MBD5: variants seen among roughly 807,000 people sequenced by gnomAD.
MBD5 encodes methyl-CpG binding domain protein 5.
MBD5 carries 13 observed loss-of-function variants against 117.3 expected under a neutral mutation model. The ratio of observed to expected loss-of-function variants is 0.11; its 90% confidence interval spans 0.07 to 0.18. MBD5 has a LOEUF of 0.18. MBD5 is among the 10% of genes least tolerant of loss of function. MBD5 has a pLI of 1.00. For missense variants in MBD5, 1,879 were observed against 2,093.8 expected (o/e 0.90, Z 2.00); for synonymous variants, 727 against 766.4 (o/e 0.95, Z 0.85).
chr2:148,169,453 T>G (rs1698204680), intron 1 of MBD5, among the ~76,000 whole-genome samples: 1 of 152,140 alleles, frequency 6.6e-6, no homozygotes, highest in African/African-American at 2.4e-5. Context: ...ATTATACTTC[T>G]TCCTCTCAGA....
At chr2:148,510,268 A>G (rs1377407492) in intron 13 of MBD5, 133 bp downstream of exon 13, 23 of 668,100 alleles carry the variant, frequency 3.4e-5, no homozygotes, top group Non-Finnish European at 5.6e-5. Flanking sequence ...GAAAAAAAAG[A>G]CAAATATTAG....
chr2:148,132,377 A>G (rs1387876149), intron 1 of MBD5, among the ~76,000 whole-genome samples: 1 of 147,904 alleles, frequency 6.8e-6, no homozygotes, highest in African/African-American at 2.4e-5. Flanking sequence ...TAGATGATTC[A>G]TAAATTATCC....
intron 1 of MBD5, among the ~76,000 whole-genome samples, chr2:148,060,878 G>A (rs567301437): frequency 6.6e-6 from 1 of 152,072 alleles, no homozygotes; most frequent in South Asian, 2.1e-4. Flanking sequence ...CTGTTCATTG[G>A]CTAACCAAAG....
In MBD5 at chr2:148,448,300, T is replaced by G. The variant is rs1706628011; in HGVS notation, c.-556-9903T>G. ...TCCTCCTCTTGTTTCTTGAAAGACC[T>G]TACCCGATACTTTATTAGACTGTAG... On this transcript the variant is annotated intron_variant, in intron 4 of 13. Coordinates refer to ENST00000642680, the MANE Select transcript of MBD5 (RefSeq NM_001378120.1). Among the ~76,000 whole-genome samples the G allele has an allele frequency of 2.6e-5, 4 of 152,226 alleles. No homozygotes were observed. In the South Asian group the frequency reaches 8.3e-4, roughly 32 times the overall value.
chr2:148,085,083 C>T (rs1573996425), intron 1 of MBD5, among the ~76,000 whole-genome samples: 1 of 152,170 alleles, frequency 6.6e-6, no homozygotes, highest in Non-Finnish European at 1.5e-5. Context: ...TTGTGTTGGT[C>T]TGTGTAAACA....
chr2:148,293,738 A>G (rs921854886), intron 3 of MBD5, among the ~76,000 whole-genome samples: 4 of 152,176 alleles, frequency 2.6e-5, no homozygotes, highest in African/African-American at 9.7e-5. Context: ...ACCATTAAGT[A>G]TGATATGAAC....
chr2:148,445,304 A>G (rs1244764668), intron 4 of MBD5, among the ~76,000 whole-genome samples: 2 of 149,414 alleles, frequency 1.3e-5, no homozygotes, highest in African/African-American at 5.1e-5. Context: ...ACCCCATGAC[A>G]GGCCCCAGTG....
chr2:148,050,573 T>C (rs1694668859), intron 1 of MBD5, among the ~76,000 whole-genome samples: 1 of 152,166 alleles, frequency 6.6e-6, no homozygotes, highest in African/African-American at 2.4e-5. Context: ...AATAATTTTT[T>C]TCTTTTGTTA....
chr2:148,490,908 C>T, intron 11 of MBD5: 1 of 364,422 alleles, frequency 2.7e-6, no homozygotes, highest in Non-Finnish European at 5.1e-6. Context: ...TTCTTCATTT[C>T]ATACACAGAG....
At chr2:148,463,535 T>C (rs890290366) in intron 6 of MBD5, among the ~76,000 whole-genome samples, 6 of 152,160 alleles carry the variant, frequency 3.9e-5, no homozygotes, top group Admixed American at 3.9e-4. Context: ...ATTAGGATAG[T>C]ATTCATTATT....
Position 148,303,108 on chromosome 2 carries a change from T to C in MBD5, c.-679-39106T>C, listed in dbSNP as rs1467336974. Among the ~76,000 whole-genome samples the C allele has an allele frequency of 3.3e-5, 5 of 152,026 alleles. No individual in the cohort carries two copies. The East Asian group carries it at 9.6e-4, about 29-fold the overall frequency. On this transcript the variant is annotated intron_variant, in intron 3 of 13. Transcript: ENST00000642680. ...GCCAGATTGCTAATGGCCAGCAAAA[T>C]AATTGGAGCTGCTATTGGTTTTTAA...
chr2:148,438,839 C>T (rs1706231898), intron 4 of MBD5, among the ~76,000 whole-genome samples: 1 of 152,166 alleles, frequency 6.6e-6, no homozygotes, highest in South Asian at 2.1e-4. Context: ...TTACTTCTCT[C>T]TAGGTCCCCA....
chr2:148,216,120 T>C (rs1025202065), intron 2 of MBD5, among the ~76,000 whole-genome samples: 19 of 151,864 alleles, frequency 1.3e-4, no homozygotes, highest in African/African-American at 4.1e-4. Context: ...AATTGGAAGG[T>C]GGGAAGGGAG....
intron 1 of MBD5, among the ~76,000 whole-genome samples, chr2:148,102,070 A>C (rs1696230808): frequency 6.6e-6 from 1 of 152,158 alleles, no homozygotes; most frequent in Non-Finnish European, 1.5e-5. Flanking sequence ...TTGAAAGGAA[A>C]TTTTTTAAAA....
chr2:148,322,502 T>A (rs576611441), intron 3 of MBD5, among the ~76,000 whole-genome samples: 1 of 152,306 alleles, frequency 6.6e-6, no homozygotes, highest in African/African-American at 2.4e-5. Context: ...AATCTGCAGT[T>A]TAATCTATCT....
At chr2:148,183,928 T>G (rs1197953995) in intron 2 of MBD5, among the ~76,000 whole-genome samples, 1 of 152,038 alleles carries the variant, frequency 6.6e-6, no homozygotes, top group Admixed American at 6.6e-5. Context: ...CCTAATCACA[T>G]TGTAAAAAAA....
chr2:148,332,373 T>C (rs1046483753), intron 3 of MBD5, among the ~76,000 whole-genome samples: 1 of 152,216 alleles, frequency 6.6e-6, no homozygotes, highest in African/African-American at 2.4e-5. Context: ...TGGTTCTCTA[T>C]GTACTTATTT....
intron 3 of MBD5, among the ~76,000 whole-genome samples, chr2:148,321,211 G>T (rs1702273912): frequency 6.6e-6 from 1 of 152,118 alleles, no homozygotes; most frequent in Admixed American, 6.6e-5. Flanking sequence ...TATAGACCAA[G>T]GGTGTCCAAT....
chr2:148,429,159 GAC>G (rs1705903961), intron 4 of MBD5, among the ~76,000 whole-genome samples: 1 of 151,316 alleles, frequency 6.6e-6, no homozygotes. Context: ...GAAAAAAAGA[GAC>G]AATCCCATCA....
Sources: allele counts gnomAD v4.1 joint callset (sites outside exome capture counted in the v4.1 genomes callset), GRCh38; gene constraint gnomAD v4.1.1; transcripts MANE v1.5; gene names NCBI Gene and HGNC (gene_info 2026-07-23, HGNC 2026-07-21).